The following CYP4Z1 variants were observed in gnomAD, a reference collection of about 807,000 sequenced individuals.
CYP4Z1 encodes cytochrome P450 family 4 subfamily Z member 1.
CYP4Z1 carries 41 observed loss-of-function variants against 54.2 expected under a neutral mutation model. The ratio of observed to expected loss-of-function variants is 0.76; its 90% CI spans 0.59 to 0.98. The LOEUF (loss-of-function observed/expected upper bound fraction) is 0.98, where lower values mean the gene tolerates loss of function less well. Among genes scored for constraint, CYP4Z1 ranks in the 50% least tolerant of loss-of-function variants. CYP4Z1 has a pLI of 0.00. For synonymous variants in CYP4Z1, 163 were observed against 206.2 expected, an observed-to-expected ratio of 0.79 and a Z score of 1.79; for missense variants, 513 against 599.0, an observed-to-expected ratio of 0.86 and a Z score of 1.50.
chr1:47,061,990 T>C, the CYP4Z1 span, among the ~76,000 whole-genome samples: 1 of 152,224 alleles, frequency 6.6e-6, no homozygotes, highest in Non-Finnish European at 1.5e-5. Flanking sequence ...CATCACTTCA[T>C]GTTAAAAACT....
intron 6 of CYP4Z1, among the ~76,000 whole-genome samples, chr1:47,093,727 T>C (rs1385218764): frequency 1.3e-5 from 2 of 152,226 alleles, no homozygotes; most frequent in Non-Finnish European, 2.9e-5. Flanking sequence ...GAAGACATTT[T>C]ACTCCTAACT....
intron 2 of CYP4Z1, among the ~76,000 whole-genome samples, chr1:47,076,581 C>A (rs1490133029): frequency 6.6e-6 from 1 of 152,008 alleles, no homozygotes; most frequent in Non-Finnish European, 1.5e-5. Flanking sequence ...CATGGTGGCT[C>A]ACGCCTGTAA....
At position 47,104,733 on chromosome 1, in the gene CYP4Z1, C is replaced by T. The variant is rs191366095; in HGVS notation, c.1068-1395C>T. 1.1e-4 allele frequency among the ~76,000 whole-genome samples: 17 copies of T among 152,224 alleles called. No homozygotes were observed. In the East Asian group the frequency reaches 2.7e-3, roughly 24 times the overall value. On this transcript the variant is annotated intron_variant, in intron 8 of 11. Transcript: ENST00000334194. Reference sequence around the variant, plus strand: ...TCTCTAGGGCCCTAGACAGCATGCTCAGGTACTGGGAGGAGTGGAGCCAGC... The same window carrying T: ...TCTCTAGGGCCCTAGACAGCATGCTTAGGTACTGGGAGGAGTGGAGCCAGC...
At chr1:47,106,546 T>G (rs1220590582) in intron 9 of CYP4Z1, among the ~76,000 whole-genome samples, 2 of 152,100 alleles carry the variant, frequency 1.3e-5, no homozygotes, top group African/African-American at 4.8e-5. Context: ...AAGGACTAGA[T>G]TTATATCAGC....
At chr1:47,087,722 CA>C in intron 6 of CYP4Z1, among the ~76,000 whole-genome samples, 1 of 152,308 alleles carries the variant, frequency 6.6e-6, no homozygotes, top group East Asian at 1.9e-4. Flanking sequence ...CCAGAACTTC[CA>C]ACACTACATT....
At chr1:47,066,993 T>A (rs1465830901), upstream of CYP4Z1, among the ~76,000 whole-genome samples, 1 of 152,142 alleles carries the variant, frequency 6.6e-6, no homozygotes, top group Non-Finnish European at 1.5e-5. Flanking sequence ...AGGATTTTGA[T>A]AATCAGGGAA....
rs199974985 is a variant in CYP4Z1, at chr1:47,084,882, A to T, written c.676A>T (p.Met226Leu). The T allele has an allele frequency of 1.3e-5, 20 of 1,540,090 alleles. No individual in the cohort carries two copies. Among genetic ancestry groups the T allele is most frequent in the Non-Finnish European group, 1.7e-5 (19 of 1,145,798 alleles). The change falls in exon 6 of 12, where the codon ATG (methionine) becomes TTG (leucine). Residue 226 changes from methionine (M) to leucine (L), a missense_variant. By Grantham distance (15) the Met-to-Leu change is conservative. Coordinates refer to ENST00000334194, the MANE Select transcript of CYP4Z1 (RefSeq NM_178134.3). ...FNLSKISNQR[M>L]NNFLHHNDLV... ...CCTTAGCAAAATCTCCAACCAGCGC[A>T]TGAACAATTTTCTACATCACAACGA... is the stretch of plus-strand genomic sequence containing the variant.
chr1:47,068,502 G>C, intron 1 of CYP4Z1, 120 bp from the exon 2 acceptor site: 1 of 1,311,964 alleles, frequency 7.6e-7, no homozygotes, highest in Non-Finnish European at 1.1e-6. Flanking sequence ...CAACAGATGT[G>C]AACCTGTCTG....
At chr1:47,096,456 C>T (rs1183300625) in intron 7 of CYP4Z1, among the ~76,000 whole-genome samples, 1 of 152,012 alleles carries the variant, frequency 6.6e-6, no homozygotes, top group Non-Finnish European at 1.5e-5. Context: ...AAATAGTACA[C>T]ACTGTTTTTA....
At chr1:47,087,158 A>G (rs28850963) in intron 6 of CYP4Z1, among the ~76,000 whole-genome samples, 24,767 of 152,108 alleles carry the variant, frequency 0.16, 2,750 homozygotes, top group African/African-American at 0.32. Flanking sequence ...TTTGGCTTAC[A>G]ATTGACTTGG....
At chr1:47,090,082 T>G (rs1259890934) in intron 6 of CYP4Z1, among the ~76,000 whole-genome samples, 3 of 152,248 alleles carry the variant, frequency 2.0e-5, no homozygotes, top group Non-Finnish European at 4.4e-5. Flanking sequence ...CAGTCATCTT[T>G]TTTAGGACAA....
intron 4 of CYP4Z1, among the ~76,000 whole-genome samples, chr1:47,082,763 G>A (rs1644564452): frequency 2.0e-5 from 3 of 151,462 alleles, no homozygotes; most frequent in South Asian, 4.2e-4. Flanking sequence ...ACACCCATAG[G>A]AGTAGCCATG....
chr1:47,113,992 A>G (rs1160510674), intron 9 of CYP4Z1, among the ~76,000 whole-genome samples: 1 of 152,226 alleles, frequency 6.6e-6, no homozygotes, highest in African/African-American at 2.4e-5. Context: ...CGCCAAGTCA[A>G]TCCTAAGCCA....
intron 4 of CYP4Z1, 33 bp from the exon 5 acceptor site, chr1:47,084,587 G>A (rs1414866187): frequency 7.8e-6 from 12 of 1,536,468 alleles, no homozygotes; most frequent in Non-Finnish European, 1.1e-5. Flanking sequence ...AGATGGGCAT[G>A]TGTATGATCA....
chr1:47,101,876 C>T (rs146121384), intron 8 of CYP4Z1, among the ~76,000 whole-genome samples: 42 of 152,146 alleles, frequency 2.8e-4, no homozygotes, highest in African/African-American at 8.9e-4. Flanking sequence ...ACGTCTCCAA[C>T]GATTATGGTA....
intron 2 of CYP4Z1, among the ~76,000 whole-genome samples, chr1:47,076,774 G>A (rs1389050115): frequency 6.9e-6 from 1 of 145,902 alleles, no homozygotes; most frequent in African/African-American, 2.5e-5. Context: ...GAACCCAGGA[G>A]GCGGACCTTG....
intron 11 of CYP4Z1, among the ~76,000 whole-genome samples, 181 bp downstream of exon 11, chr1:47,116,913 G>A (rs61784352): frequency 2.0e-5 from 3 of 152,128 alleles, no homozygotes; most frequent in Admixed American, 6.6e-5. Flanking sequence ...CAAAGGGACC[G>A]GTTAATGTTA....
At chr1:47,058,506 C>G in the CYP4Z1 span, among the ~76,000 whole-genome samples, 540 of 152,212 alleles carry the variant, frequency 3.5e-3, 6 homozygotes, top group African/African-American at 0.012. Flanking sequence ...TAAGTATCCC[C>G]TGCATGGCAT....
At position 47,101,773 on chromosome 1, in the gene CYP4Z1, C is replaced by T. The variant is rs141911627; in HGVS notation, c.1067+2489C>T. Reference sequence around the variant, plus strand: ...TGTCTGGGAGGTACATTTAGTCCAACGTGCAATTTAAATCCAATGTTTCTT... The same window carrying T: ...TGTCTGGGAGGTACATTTAGTCCAATGTGCAATTTAAATCCAATGTTTCTT... On this transcript the variant is annotated intron_variant, in intron 8 of 11. Transcript: ENST00000334194. Among the ~76,000 whole-genome samples the T allele has an allele frequency of 2.1e-3, 318 of 152,034 alleles. 2 individuals carry two copies. Among genetic ancestry groups the T allele is most frequent in the African/African-American group, 7.4e-3 (308 of 41,506 alleles).
Sources: gnomAD v4.1 joint callset for allele counts (sites outside exome capture counted in the v4.1 genomes callset) on GRCh38, gnomAD v4.1.1 for gene constraint, MANE v1.5 for transcripts, NCBI Gene and HGNC (gene_info 2026-07-23, HGNC 2026-07-21) for gene names.